PIK3C2A: variants seen among roughly 807,000 people sequenced by gnomAD.
PIK3C2A encodes phosphatidylinositol 4-phosphate 3-kinase C2 domain-containing subunit alpha.
In PIK3C2A, 97 loss-of-function variants were observed where a neutral mutation model predicts 204.5. The ratio of observed to expected loss-of-function variants is 0.47; its 90% CI spans 0.40 to 0.56. The LOEUF is 0.56. Among genes scored for constraint, PIK3C2A ranks in the 20% least tolerant of loss-of-function variants. The pLI is 0.00. For synonymous variants in PIK3C2A, 653 were observed against 664.4 expected, an observed-to-expected ratio of 0.98 and a Z score of 0.26; for missense variants, 1,735 against 1,969.2, an observed-to-expected ratio of 0.88 and a Z score of 2.25.
At chr11:17,123,420 TG>T (rs1381146618) in intron 13 of PIK3C2A, among the ~76,000 whole-genome samples, 1 of 146,354 alleles carries the variant, frequency 6.8e-6, no homozygotes, top group Non-Finnish European at 1.5e-5. Flanking sequence ...AGCTAATTCT[TG>T]TTTTTTTTTT....
chr11:17,105,983 C>T (rs1458281824), intron 22 of PIK3C2A, among the ~76,000 whole-genome samples: 2 of 151,828 alleles, frequency 1.3e-5, no homozygotes, highest in East Asian at 3.9e-4. Flanking sequence ...GTGGTAGGCA[C>T]CTGTAATCCC....
At chr11:17,102,247 T>C (rs1209482018) in intron 24 of PIK3C2A, among the ~76,000 whole-genome samples, 2 of 152,062 alleles carry the variant, frequency 1.3e-5, no homozygotes, top group Non-Finnish European at 2.9e-5. Context: ...CCATCCTGGC[T>C]AACACGGTGA....
At chr11:17,126,328 G>C (rs1163803061) in intron 13 of PIK3C2A, among the ~76,000 whole-genome samples, 2 of 152,050 alleles carry the variant, frequency 1.3e-5, no homozygotes, top group Admixed American at 1.3e-4. Flanking sequence ...ATGGCGGGAA[G>C]ATGGATCACT....
Position 17,134,933 on chromosome 11 carries a change from C to T in PIK3C2A, c.1994G>A (p.Ser665Asn). ...GCTACTTTGGGCACAGTCTGTAGGACTCCTACCAGAATTTGCATGGAGTCT... is the reference window on the plus strand; with the variant it reads ...GCTACTTTGGGCACAGTCTGTAGGATTCCTACCAGAATTTGCATGGAGTCT... Reference protein sequence around the residue: ...LLRLHANSGRSPTDCAQSSKS... With the variant: ...LLRLHANSGRNPTDCAQSSKS... Residue 665 changes from serine (S) to asparagine (N), a missense_variant, in exon 11 of 33, where the codon AGT becomes AAT. Physicochemically the swap from Ser to Asn is conservative, Grantham distance 46. Coordinates refer to ENST00000691414, the MANE Select transcript of PIK3C2A (RefSeq NM_002645.4). The T allele has an allele frequency of 1.2e-6, 2 of 1,613,922 alleles. No homozygotes were observed. The highest frequency in any genetic ancestry group is 1.7e-6 in the Non-Finnish European group (2 of 1,179,794).
intron 1 of PIK3C2A, among the ~76,000 whole-genome samples, chr11:17,203,948 C>G (rs1417045042): frequency 1.3e-5 from 2 of 152,190 alleles, no homozygotes; most frequent in Non-Finnish European, 2.9e-5. Flanking sequence ...GTGGCGGGCG[C>G]CTGTAGTCCC....
chr11:17,172,097 T>C (rs1851189059), intron 1 of PIK3C2A, among the ~76,000 whole-genome samples: 1 of 152,130 alleles, frequency 6.6e-6, no homozygotes, highest in Non-Finnish European at 1.5e-5. Context: ...GGCTGGATAG[T>C]AGGGAATAGG....
chr11:17,199,426 A>G (rs1315411675), intron 1 of PIK3C2A, among the ~76,000 whole-genome samples: 3 of 152,242 alleles, frequency 2.0e-5, no homozygotes, highest in Admixed American at 2.0e-4. Context: ...TCATAGCAGC[A>G]TTGTTTATAA....
At chr11:17,133,758 T>A (rs1849779530) in intron 11 of PIK3C2A, among the ~76,000 whole-genome samples, 1 of 151,872 alleles carries the variant, frequency 6.6e-6, no homozygotes, top group Non-Finnish European at 1.5e-5. Context: ...TGAAATCTCG[T>A]CTCTACTAAA....
chr11:17,132,024 T>C lies in PIK3C2A; in HGVS notation c.2123A>G (p.Tyr708Cys), dbSNP rs368036462. ...SNWVSNYEKY[Y>C]LICSLSHNGK... ...ATTGTGAGACAGTGAACATATCAAG[T>C]AGTATTTTTCATAACTGAGAAAAGA... Residue 708 changes from tyrosine to cysteine, a missense_variant, in exon 12 of 33, where the codon TAC (tyrosine) becomes TGC (cysteine). Physicochemically the swap from Tyr to Cys is radical, Grantham distance 194 (BLOSUM62 -2). Around this residue, in one of 6 missense-constraint regions of PIK3C2A, gnomAD observed 567 missense variants for 576.0 expected, o/e 0.98. Coordinates refer to ENST00000691414, the MANE Select transcript of PIK3C2A (RefSeq NM_002645.4). 2.0e-5 allele frequency: 31 copies of C among 1,524,424 alleles called. No individual in the cohort carries two copies. In the African/African-American group the frequency reaches 3.2e-4, roughly 16 times the overall value. The allele number at this position is 1,524,424 out of a possible 1,614,324, so 94.4% of individuals were successfully genotyped here.
intron 2 of PIK3C2A, among the ~76,000 whole-genome samples, chr11:17,165,647 T>C (rs1190532249): frequency 6.6e-6 from 1 of 151,798 alleles, no homozygotes; most frequent in Non-Finnish European, 1.5e-5. Flanking sequence ...TGGTGGTGCA[T>C]GACTGTAATC....
At chr11:17,207,464 C>T (rs569919623) in intron 1 of PIK3C2A, among the ~76,000 whole-genome samples, 28 of 152,336 alleles carry the variant, frequency 1.8e-4, no homozygotes, top group Non-Finnish European at 2.9e-4. Context: ...GAAAATAGGA[C>T]CGGCCACTGC....
At chr11:17,108,936 TTA>T (rs1323794778) in intron 22 of PIK3C2A, among the ~76,000 whole-genome samples, 11 of 152,230 alleles carry the variant, frequency 7.2e-5, no homozygotes, top group Non-Finnish European at 1.0e-4. Context: ...TTTAACTTAA[TTA>T]TATGATAGTC....
intron 3 of PIK3C2A, 41 bp downstream of exon 3, chr11:17,155,485 T>A: frequency 8.6e-7 from 1 of 1,168,780 alleles, no homozygotes; most frequent in Non-Finnish European, 1.3e-6. Context: ...GGTTTTCAAG[T>A]GAATTTTTCA....
At chr11:17,138,271 G>T in intron 8 of PIK3C2A, 1 of 756,878 alleles carries the variant, frequency 1.3e-6, no homozygotes, top group Non-Finnish European at 2.3e-6. Context: ...GACAGGCTAG[G>T]AAAGCCTATG....
At chr11:17,133,190 T>C (rs938162195) in intron 11 of PIK3C2A, among the ~76,000 whole-genome samples, 6 of 152,210 alleles carry the variant, frequency 3.9e-5, no homozygotes, top group African/African-American at 1.4e-4. Context: ...CACCGTTTTC[T>C]GTATTGTCTT....
chr11:17,204,397 C>T (rs1852492048), intron 1 of PIK3C2A: 1 of 152,142 alleles, frequency 6.6e-6, no homozygotes, highest in Non-Finnish European at 1.5e-5. Flanking sequence ...AAATGGATAC[C>T]AGAAGTATTA....
At chr11:17,159,919 T>C (rs1019721701) in intron 2 of PIK3C2A, among the ~76,000 whole-genome samples, 3 of 152,106 alleles carry the variant, frequency 2.0e-5, no homozygotes, top group Non-Finnish European at 4.4e-5. Context: ...CAGGAGGAGT[T>C]TCCCCCTTAC....
intron 2 of PIK3C2A, among the ~76,000 whole-genome samples, chr11:17,163,633 C>T (rs963724024): frequency 6.6e-6 from 1 of 151,838 alleles, no homozygotes; most frequent in Non-Finnish European, 1.5e-5. Context: ...AGATTGGTCT[C>T]GAATTCTTGG....
intron 1 of PIK3C2A, among the ~76,000 whole-genome samples, chr11:17,198,554 G>A (rs539378543): frequency 6.6e-6 from 1 of 152,148 alleles, no homozygotes; most frequent in African/African-American, 2.4e-5. Context: ...TTTAAAATAC[G>A]TTTCCATCCA....
Sources: gnomAD v4.1 joint callset for allele counts (sites outside exome capture counted in the v4.1 genomes callset) on GRCh38, gnomAD v4.1.1 for gene constraint, gnomAD v4.1.1 regional missense constraint, MANE v1.5 for transcripts, NCBI Gene and HGNC (gene_info 2026-07-23, HGNC 2026-07-21) for gene names.